The following SCAI variants were observed in gnomAD, a reference collection of about 807,000 sequenced individuals.
SCAI encodes suppressor of cancer cell invasion, also known as protein SCAI.
A neutral mutation model predicts 92.2 loss-of-function variants in SCAI; 24 were observed. The ratio of observed to expected loss-of-function variants is 0.26; its 90% CI spans 0.19 to 0.37. The LOEUF is 0.37. SCAI is among the 10% of genes least tolerant of loss of function. The pLI, the probability that SCAI is intolerant of heterozygous loss-of-function variation, is 1.00. For missense variants in SCAI, 450 were observed against 736.2 expected, an observed-to-expected ratio of 0.61 and a Z score of 4.50; for synonymous variants, 261 against 258.6, an observed-to-expected ratio of 1.01 and a Z score of -0.09.
intron 3 of SCAI, among the ~76,000 whole-genome samples, chr9:125,033,988 G>A (rs1341714813): frequency 3.3e-5 from 5 of 152,132 alleles, no homozygotes; most frequent in Admixed American, 6.6e-5. Context: ...GGAAATAGAC[G>A]ACACACAAGT....
intron 17 of SCAI, among the ~76,000 whole-genome samples, chr9:124,969,962 T>A: frequency 6.6e-6 from 1 of 152,250 alleles, no homozygotes; most frequent in Non-Finnish European, 1.5e-5. Flanking sequence ...CAGGCAATTC[T>A]CCTTCCTCAG....
chr9:125,072,080 G>A (rs143860988), intron 2 of SCAI, among the ~76,000 whole-genome samples: 73 of 151,190 alleles, frequency 4.8e-4, no homozygotes, highest in African/African-American at 1.7e-3. Context: ...CTGGAGTGCA[G>A]TGGTGCAATC....
chr9:124,967,280 A>G (rs950268041), intron 17 of SCAI, among the ~76,000 whole-genome samples: 3 of 152,068 alleles, frequency 2.0e-5, no homozygotes, highest in Non-Finnish European at 2.9e-5. Context: ...CATCTACCCA[A>G]TGGGAATTAG....
chr9:125,014,878 C>T (rs987760096), intron 9 of SCAI, among the ~76,000 whole-genome samples: 3 of 152,142 alleles, frequency 2.0e-5, no homozygotes, highest in African/African-American at 4.8e-5. Context: ...AATAACGCCA[C>T]GTATCTACAA....
chr9:125,126,860 T>C (rs1835290872), intron 2 of SCAI, among the ~76,000 whole-genome samples: 2 of 152,162 alleles, frequency 1.3e-5, no homozygotes, highest in African/African-American at 4.8e-5. Flanking sequence ...CATCAATGGA[T>C]GTTTTATTAT....
chr9:125,050,957 C>A (rs1304420867), intron 3 of SCAI, among the ~76,000 whole-genome samples: 1 of 152,178 alleles, frequency 6.6e-6, no homozygotes, highest in Non-Finnish European at 1.5e-5. Context: ...AATCCAAAAG[C>A]ATTCAGAGAA....
Position 125,047,561 on chromosome 9 carries a change from G to T in SCAI, c.230+8315C>A, listed in dbSNP as rs374490036. On this transcript the variant is annotated intron_variant, in intron 3 of 17. Transcript: ENST00000336505. Reference sequence around the variant, plus strand: ...TAGCATCTATGTTGGAGGAGACAAAGAAAGCAAAACTGGGAACACCTCATG... The same window carrying T: ...TAGCATCTATGTTGGAGGAGACAAATAAAGCAAAACTGGGAACACCTCATG... Among the ~76,000 whole-genome samples the T allele has an allele frequency of 5.9e-5, 9 of 152,270 alleles. No individual in the cohort carries two copies. The South Asian group carries it at 1.9e-3, about 32-fold the overall frequency.
chr9:125,105,298 A>G (rs1438645377), intron 2 of SCAI, among the ~76,000 whole-genome samples: 1 of 152,222 alleles, frequency 6.6e-6, no homozygotes, highest in Non-Finnish European at 1.5e-5. Flanking sequence ...CCTGTCTCTA[A>G]AATAAATAAA....
At chr9:124,976,391 T>C (rs981195355) in intron 14 of SCAI, among the ~76,000 whole-genome samples, 14 of 152,356 alleles carry the variant, frequency 9.2e-5, no homozygotes, top group African/African-American at 3.4e-4. Flanking sequence ...TCAATTGAAA[T>C]AGTTTACTGA....
chr9:125,020,600 ATC>A lies in SCAI; in HGVS notation c.609+71_609+72del, dbSNP rs202009698. 4,605 of 661,876 alleles carry A rather than the reference ATC, an allele frequency of 7.0e-3. 143 individuals carry two copies. In the African/African-American group the frequency reaches 0.078, roughly 11 times the overall value. The allele number at this position is 661,876 out of a possible 1,614,324, so 41.0% of individuals were successfully genotyped here. On this transcript the variant is annotated intron_variant, in intron 7 of 17. Coordinates refer to ENST00000336505, the MANE Select transcript of SCAI (RefSeq NM_001144877.3). ...TATATCAAAATTATTTTAACCTAAA[ATC>A]TGTTTTTTAAAAATAAGATCATCCA...
chr9:124,967,451 C>T (rs1419531931), intron 17 of SCAI, among the ~76,000 whole-genome samples: 3 of 152,306 alleles, frequency 2.0e-5, no homozygotes, highest in Non-Finnish European at 4.4e-5. Flanking sequence ...TAGGACCAGG[C>T]TCTCTTTATT....
intron 17 of SCAI, among the ~76,000 whole-genome samples, chr9:124,953,706 C>A (rs1345302207): frequency 6.6e-6 from 1 of 152,068 alleles, no homozygotes; most frequent in African/African-American, 2.4e-5. Flanking sequence ...AGCCACCGTG[C>A]CCGGCCTAGA....
At position 124,950,916 on chromosome 9, in the gene SCAI, G is replaced by A. The variant is rs1345156467; in HGVS notation, c.*1891C>T. ...ATTAAAAAATAAAGAAAATTAGCCA[G>A]GCATGGTGGCGCATGCCTGTAGTCC... On this transcript the variant is annotated 3_prime_UTR_variant, in exon 18 of 18. Coordinates refer to ENST00000336505, the MANE Select transcript of SCAI (RefSeq NM_001144877.3). The A allele has an allele frequency of 6.6e-6, 1 of 151,966 alleles. No homozygotes were observed. Among genetic ancestry groups the A allele is most frequent in the Non-Finnish European group, 1.5e-5 (1 of 68,026 alleles). The allele number at this position is 151,966 out of a possible 1,614,324, so 9.4% of individuals were successfully genotyped here.
chr9:125,065,245 T>C (rs1833850816), intron 2 of SCAI, among the ~76,000 whole-genome samples: 1 of 151,116 alleles, frequency 6.6e-6, no homozygotes, highest in Admixed American at 6.6e-5. Flanking sequence ...ATAACTAATA[T>C]CAAGAATGAA....
Position 125,028,396 on chromosome 9 carries a change from A to G in SCAI, c.409T>C (p.Tyr137His). The G allele has an allele frequency of 6.4e-7, 1 of 1,557,116 alleles. No individual in the cohort carries two copies. Among genetic ancestry groups the G allele is most frequent in the Non-Finnish European group, 8.8e-7 (1 of 1,135,726 alleles). ...TTCCATGTGTAATTTACTTACTAATAATGATAGTATAGCTGCCCAATCTTG... is the reference window on the plus strand; with the variant it reads ...TTCCATGTGTAATTTACTTACTAATGATGATAGTATAGCTGCCCAATCTTG... ...ASKIGQLYYHYYLRTSETSYL... is the reference protein window; with the variant it reads ...ASKIGQLYYHHYLRTSETSYL... Residue 137 changes from tyrosine to histidine, a missense_variant, in exon 5 of 18, where the codon TAT becomes CAT. Tyr to His is a moderately conservative substitution (Grantham distance 83, BLOSUM62 2). Coordinates refer to ENST00000336505, the MANE Select transcript of SCAI (RefSeq NM_001144877.3).
At chr9:125,069,551 C>T (rs1833937374) in intron 2 of SCAI, among the ~76,000 whole-genome samples, 1 of 150,298 alleles carries the variant, frequency 6.7e-6, no homozygotes, top group Non-Finnish European at 1.5e-5. Context: ...ATCTCCTGAC[C>T]TTGTGATCCG....
At chr9:125,129,445 T>C (rs930954495) in intron 2 of SCAI, among the ~76,000 whole-genome samples, 1 of 138,266 alleles carries the variant, frequency 7.2e-6, no homozygotes, top group Non-Finnish European at 1.6e-5. Flanking sequence ...AATGAAAGAA[T>C]TAGAATTTCT....
At chr9:125,058,256 G>A (rs1833710052) in intron 2 of SCAI, among the ~76,000 whole-genome samples, 1 of 152,232 alleles carries the variant, frequency 6.6e-6, no homozygotes, top group African/African-American at 2.4e-5. Flanking sequence ...GCTCATGCCT[G>A]TAATCCCAGC....
In SCAI at chr9:125,055,862, A is replaced by G. The variant is rs1443742477; in HGVS notation, c.230+14T>C. On this transcript the variant is annotated intron_variant, in intron 3 of 17. Transcript: ENST00000336505. ...GAACTAAAGAAAAGTTCAAAACACCAAGAGTCCACTCACCTTAACCCATTG... is the reference window on the plus strand; with the variant it reads ...GAACTAAAGAAAAGTTCAAAACACCGAGAGTCCACTCACCTTAACCCATTG... 11 of 1,582,256 alleles carry G rather than the reference A, an allele frequency of 7.0e-6. No homozygotes were observed. Among genetic ancestry groups the G allele is most frequent in the Non-Finnish European group, 9.4e-6 (11 of 1,169,434 alleles).
Sources: allele counts gnomAD v4.1 joint callset (sites outside exome capture counted in the v4.1 genomes callset), GRCh38; gene constraint gnomAD v4.1.1; transcripts MANE v1.5; gene names NCBI Gene and HGNC (gene_info 2026-07-23, HGNC 2026-07-21).